NXN: variants seen among roughly 807,000 people sequenced by gnomAD.
NXN encodes nucleoredoxin.
NXN carries 16 observed loss-of-function variants against 48.6 expected under a neutral mutation model. That is an observed-to-expected ratio of 0.33 (90% CI 0.22 to 0.50). NXN has a LOEUF of 0.50. Among genes scored for constraint, NXN ranks in the 20% least tolerant of loss-of-function variants. NXN has a pLI of 0.98. For missense variants in NXN, 492 were observed against 605.5 expected (o/e 0.81, Z 1.97); for synonymous variants, 281 against 269.6 (o/e 1.04, Z -0.41).
chr17:831,107 C>T (rs8069050), intron 1 of NXN, among the ~76,000 whole-genome samples: 47,034 of 151,690 alleles, frequency 0.31, 8,005 homozygotes, highest in African/African-American at 0.45. Flanking sequence ...GGAAAAAGGG[C>T]GAGACCTAGA....
intron 7 of NXN, among the ~76,000 whole-genome samples, chr17:801,717 T>G (rs1911226032): frequency 6.6e-6 from 1 of 152,236 alleles, no homozygotes; most frequent in African/African-American, 2.4e-5. Flanking sequence ...GTGCTAGGAT[T>G]ACAGGCGTCA....
chr17:850,245 C>T (rs890056327), intron 1 of NXN, among the ~76,000 whole-genome samples: 12 of 152,186 alleles, frequency 7.9e-5, no homozygotes, highest in African/African-American at 2.9e-4. Context: ...TCTGTCTTCC[C>T]CACGAGCCCC....
chr17:913,433 A>G (rs1183599195), intron 1 of NXN, among the ~76,000 whole-genome samples: 1 of 152,198 alleles, frequency 6.6e-6, no homozygotes, highest in Admixed American at 6.5e-5. Context: ...GTTTCAACAC[A>G]GAAGTGATCA....
intron 1 of NXN, among the ~76,000 whole-genome samples, chr17:843,039 AG>A (rs1914453774): frequency 7.2e-6 from 1 of 139,604 alleles, no homozygotes; most frequent in African/African-American, 2.9e-5. Context: ...AAAGAAAGAA[AG>A]AAAGAAAGAA....
intron 1 of NXN, among the ~76,000 whole-genome samples, chr17:896,520 A>G (rs1270363039): frequency 6.6e-6 from 1 of 152,196 alleles, no homozygotes; most frequent in Non-Finnish European, 1.5e-5. Context: ...ACACAAGAAT[A>G]AAAAACAAGG....
At chr17:818,647 A>G (rs1186961652) in intron 5 of NXN, among the ~76,000 whole-genome samples, 1 of 152,132 alleles carries the variant, frequency 6.6e-6, no homozygotes, top group Non-Finnish European at 1.5e-5. Flanking sequence ...GCACTTTGGG[A>G]GGTCGAGGCG....
chr17:850,099 C>G (rs1210372447), intron 1 of NXN, among the ~76,000 whole-genome samples: 4 of 152,024 alleles, frequency 2.6e-5, no homozygotes, highest in Non-Finnish European at 4.4e-5. Context: ...AAGACAGGTA[C>G]GTGGGTCTGT....
In NXN at chr17:830,536, G is replaced by A. The variant is rs1481480096; in HGVS notation, c.361-4458C>T. Among the ~76,000 whole-genome samples, 3 of 152,192 alleles carry A rather than the reference G, an allele frequency of 2.0e-5. No individual in the cohort carries two copies. The highest frequency in any genetic ancestry group is 4.4e-5 in the Non-Finnish European group (3 of 68,038). Reference sequence around the variant, plus strand: ...GCGGGAGGCCACCTGAGGCCCAAGAGCCCGTGTGGAGGCTGACTGCGAAAG... The same window carrying A: ...GCGGGAGGCCACCTGAGGCCCAAGAACCCGTGTGGAGGCTGACTGCGAAAG... On this transcript the variant is annotated intron_variant, in intron 1 of 7. Transcript: ENST00000336868. This position sits in a 1 kb window ranked among gnomAD's most constrained non-coding sequence, Gnocchi z 4.2.
At chr17:862,193 C>A (rs970741194) in intron 1 of NXN, among the ~76,000 whole-genome samples, 4 of 151,860 alleles carry the variant, frequency 2.6e-5, no homozygotes, top group African/African-American at 9.7e-5. Context: ...CAATTTAAAG[C>A]CCAGGATTCT....
chr17:853,724 T>TATATATA (rs61572573), intron 1 of NXN, among the ~76,000 whole-genome samples: 100 of 70,030 alleles, frequency 1.4e-3, no homozygotes, highest in African/African-American at 5.3e-3. Context: ...TATATATATA[T>TATATATA]TTTTTTTTTT....
At chr17:823,882 G>T in intron 2 of NXN, 117 bp from the exon 3 acceptor site, 1 of 974,966 alleles carries the variant, frequency 1.0e-6, no homozygotes, top group Non-Finnish European at 1.5e-6. Context: ...GGAGACCTCA[G>T]AGCGGCAGGC....
chr17:886,939 AT>A (rs199962249), intron 1 of NXN, among the ~76,000 whole-genome samples: 3 of 151,690 alleles, frequency 2.0e-5, no homozygotes, highest in Admixed American at 6.6e-5. Context: ...TTATTTATTT[AT>A]TTTTTTTCAG....
chr17:926,631 T>C lies in NXN; in HGVS notation c.360+52688A>G, dbSNP rs138649607. 6.8e-3 allele frequency among the ~76,000 whole-genome samples: 1,025 copies of C among 151,784 alleles called. 17 individuals are homozygous for C. Among genetic ancestry groups the C allele is most frequent in the East Asian group, 0.037 (192 of 5,130 alleles). On this transcript the variant is annotated intron_variant, in intron 1 of 7. Coordinates refer to ENST00000336868, the MANE Select transcript of NXN (RefSeq NM_022463.5). ...TGCAATCTCGGCTCACCACAGCCTC[T>C]GCTTCCCGGGCTAAAACCATCCTCC...
intron 1 of NXN, among the ~76,000 whole-genome samples, chr17:903,903 C>CA (rs1242951328): frequency 2.0e-5 from 3 of 151,992 alleles, no homozygotes; most frequent in Non-Finnish European, 2.9e-5. Context: ...AAGCCAACCT[C>CA]ACCCCCCACG....
In NXN at chr17:979,323, C is replaced by A. The variant is rs762844151; in HGVS notation, c.356G>T (p.Arg119Met). ...GGCGAGGCCCGCGCCGCTCACCTTC[C>A]TGTGCTTCTCCTTGTAGGGCAGCGC... ...WLALPYKEKH[R>M]KLKLWNKYRI... is the part of the protein sequence containing the mutation. Residue 119 changes from arginine (R) to methionine (M), a missense_variant, in exon 1 of 8, where the codon AGG (arginine) becomes ATG (methionine). Arg to Met is a moderately conservative substitution (Grantham distance 91). Around this residue, in one of 3 missense-constraint regions of NXN, gnomAD observed 186 missense variants for 199.1 expected, o/e 0.93. Transcript: ENST00000336868. 20 of 1,523,712 alleles carry A rather than the reference C, an allele frequency of 1.3e-5. No homozygotes were observed. The African/African-American group carries it at 2.9e-4, about 22-fold the overall frequency. 94.4% of individuals were successfully genotyped at this position (1,523,712 alleles called of 1,614,324 possible). A position where few individuals can be genotyped will look rare whatever the true frequency, so the allele number is the denominator to read the frequency against.
chr17:951,857 C>T (rs978937565), intron 1 of NXN, among the ~76,000 whole-genome samples: 4 of 152,100 alleles, frequency 2.6e-5, no homozygotes, highest in Non-Finnish European at 5.9e-5. Context: ...GCAATGAGCT[C>T]GGCACACTCA....
chr17:826,506 A>G (rs1379096778), intron 1 of NXN, among the ~76,000 whole-genome samples: 2 of 152,226 alleles, frequency 1.3e-5, no homozygotes, highest in East Asian at 3.9e-4. Flanking sequence ...CATCTTCAGA[A>G]CACAATCAGA....
At chr17:862,015 G>A (rs548100211) in intron 1 of NXN, among the ~76,000 whole-genome samples, 1 of 152,206 alleles carries the variant, frequency 6.6e-6, no homozygotes, top group African/African-American at 2.4e-5. Flanking sequence ...ATTTTTGATG[G>A]AGACGGGGTT....
At chr17:854,654 C>CA (rs538020306) in intron 1 of NXN, among the ~76,000 whole-genome samples, 2,232 of 61,942 alleles carry the variant, frequency 0.036, 69 homozygotes, top group African/African-American at 0.11. Context: ...GACTCTGTCT[C>CA]AAAAAAAAAA....
Sources: allele counts gnomAD v4.1 joint callset (sites outside exome capture counted in the v4.1 genomes callset), GRCh38; gene constraint gnomAD v4.1.1; regional missense constraint gnomAD v4.1.1; non-coding constraint Gnocchi (gnomAD v3.1); transcripts MANE v1.5; gene names NCBI Gene and HGNC (gene_info 2026-07-23, HGNC 2026-07-21).